Variants in CSMD1 observed in about 807,000 individuals in gnomAD.
CSMD1 encodes the protein CUB and Sushi multiple domains 1, also known as CUB and sushi domain-containing protein 1.
A neutral mutation model predicts 417.5 loss-of-function variants in CSMD1; 213 were observed. The ratio of observed to expected loss-of-function variants is 0.51; its 90% CI spans 0.46 to 0.57. The LOEUF is 0.57. Among genes scored for constraint, CSMD1 ranks in the 20% least tolerant of loss-of-function variants. CSMD1 has a pLI of 0.00. For synonymous variants in CSMD1, 2,862 were observed against 1,736.8 expected (o/e 1.65, Z -16.11); for missense variants, 6,923 against 4,529.7 (o/e 1.53, Z -15.17).
chr8:4,247,870 A>G (rs9792372), intron 3 of CSMD1, among the ~76,000 whole-genome samples: 14,753 of 152,140 alleles, frequency 0.097, 1,023 homozygotes, highest in East Asian at 0.36. Flanking sequence ...TAGAAATACA[A>G]TGTACAAATT....
At chr8:4,028,516 A>T (rs1017499611) in intron 4 of CSMD1, among the ~76,000 whole-genome samples, 6 of 152,202 alleles carry the variant, frequency 3.9e-5, no homozygotes, top group Non-Finnish European at 5.9e-5. Flanking sequence ...AGGAAAAAAA[A>T]ATAGGCAAAT....
rs1026562456 is a variant in CSMD1, at chr8:3,929,885, C to A, written c.818+68018G>T. The stretch of plus-strand genomic sequence containing the variant: ...CCATATTGGTCCCGCTCATCTCCAA[C>A]CCCTGACCTCAGGTGATCTACCTGC... On this transcript the variant is annotated intron_variant, in intron 5 of 69. Transcript: ENST00000635120. Among the ~76,000 whole-genome samples the A allele has an allele frequency of 1.3e-5, 2 of 150,146 alleles. 1 individual carries two copies. The highest frequency in any genetic ancestry group is 3.0e-5 in the Non-Finnish European group (2 of 67,472).
chr8:4,241,086 C>T (rs1440579091), intron 3 of CSMD1, among the ~76,000 whole-genome samples: 1 of 152,136 alleles, frequency 6.6e-6, no homozygotes, highest in East Asian at 1.9e-4. Context: ...AATTACTTAT[C>T]CTCTACATAG....
intron 6 of CSMD1, among the ~76,000 whole-genome samples, chr8:3,720,331 T>A (rs151250373): frequency 3.3e-5 from 5 of 152,312 alleles, no homozygotes; most frequent in African/African-American, 1.2e-4. Flanking sequence ...GAGAAGCTAC[T>A]GGAAAGTGAC....
rs1017167035 is a variant in CSMD1 at position 4,960,459 on chromosome 8, T to A, written c.85+33873A>T. On this transcript the variant is annotated intron_variant, in intron 1 of 69. Transcript: ENST00000635120. The stretch of plus-strand genomic sequence containing the variant: ...ACTTTCACCTGGCATGTGCTGGGGA[T>A]AAACAAAGTACCAAACTAAGCTGAA... Among the ~76,000 whole-genome samples, 43 of 152,178 alleles carry A rather than the reference T, an allele frequency of 2.8e-4. 1 individual carries two copies.
chr8:3,921,679 C>T (rs530028537), intron 5 of CSMD1, among the ~76,000 whole-genome samples: 2 of 152,134 alleles, frequency 1.3e-5, no homozygotes, highest in East Asian at 3.9e-4. Context: ...GCTTAATTTT[C>T]ACATATTTGT....
At chr8:3,629,419 G>C (rs9644348) in intron 7 of CSMD1, among the ~76,000 whole-genome samples, 88,280 of 151,894 alleles carry the variant, frequency 0.58, 26,214 homozygotes, top group Middle Eastern at 0.76. Context: ...ATATATAAGG[G>C]CTTTCTCCCT....
intron 3 of CSMD1, among the ~76,000 whole-genome samples, chr8:4,347,465 A>G (rs17069985): frequency 0.12 from 18,762 of 152,214 alleles, 1,638 homozygotes; most frequent in African/African-American, 0.24. Flanking sequence ...TACCACATCT[A>G]TGAAGAAGAA....
chr8:4,668,919 A>G (rs1403444213), intron 1 of CSMD1, among the ~76,000 whole-genome samples: 2 of 151,968 alleles, frequency 1.3e-5, no homozygotes, highest in Non-Finnish European at 2.9e-5. Flanking sequence ...GCTTTATTTT[A>G]TTCTCTTTTT....
At chr8:4,838,075 G>C (rs1178749283) in intron 1 of CSMD1, among the ~76,000 whole-genome samples, 3 of 152,120 alleles carry the variant, frequency 2.0e-5, no homozygotes, top group Non-Finnish European at 4.4e-5. Context: ...GGACATAGTG[G>C]ATTTGCCGGT....
intron 7 of CSMD1, among the ~76,000 whole-genome samples, chr8:3,625,071 GTTTT>G (rs11371258): frequency 6.7e-6 from 1 of 150,358 alleles, no homozygotes; most frequent in African/African-American, 2.4e-5. Context: ...ATGCATAACA[GTTTT>G]TTTTTTATTT....
intron 3 of CSMD1, among the ~76,000 whole-genome samples, chr8:4,278,173 C>T (rs1796589482): frequency 6.6e-6 from 1 of 152,178 alleles, no homozygotes; most frequent in Admixed American, 6.5e-5. Flanking sequence ...TTTCAGACTA[C>T]ATTCACAATT....
At chr8:3,822,589 CT>C (rs1801800527) in intron 5 of CSMD1, among the ~76,000 whole-genome samples, 1 of 152,160 alleles carries the variant, frequency 6.6e-6, no homozygotes, top group Non-Finnish European at 1.5e-5. Flanking sequence ...TTATTGGTAA[CT>C]TTTTTCTCTG....
At chr8:4,134,494 G>A (rs536431349) in intron 3 of CSMD1, among the ~76,000 whole-genome samples, 37 of 152,200 alleles carry the variant, frequency 2.4e-4, no homozygotes, top group East Asian at 1.7e-3. Flanking sequence ...TTTGATCTCC[G>A]ACTTCCAGCC....
At chr8:4,573,895 A>C (rs1038295205) in intron 2 of CSMD1, among the ~76,000 whole-genome samples, 1 of 152,126 alleles carries the variant, frequency 6.6e-6, no homozygotes, top group Non-Finnish European at 1.5e-5. Flanking sequence ...GCCCAGTTCA[A>C]ACTTCCTGGC....
chr8:3,058,162 C>T (rs1471993036), intron 49 of CSMD1, among the ~76,000 whole-genome samples: 1 of 152,132 alleles, frequency 6.6e-6, no homozygotes, highest in Non-Finnish European at 1.5e-5. Flanking sequence ...CTATTGTGTG[C>T]AACTGTTTGT....
intron 7 of CSMD1, among the ~76,000 whole-genome samples, chr8:3,622,010 TG>T (rs1796274431): frequency 2.0e-5 from 3 of 151,678 alleles, no homozygotes; most frequent in African/African-American, 7.3e-5. Context: ...TGTGTGTGTG[TG>T]TGTGTGTTTG....
At chr8:4,115,085 C>T (rs559535506) in intron 3 of CSMD1, among the ~76,000 whole-genome samples, 4 of 152,230 alleles carry the variant, frequency 2.6e-5, no homozygotes, top group South Asian at 2.1e-4. Flanking sequence ...TGCTGTCAAA[C>T]GGAATTGAAA....
At chr8:3,625,489 C>A (rs1461653677) in intron 7 of CSMD1, among the ~76,000 whole-genome samples, 1 of 152,102 alleles carries the variant, frequency 6.6e-6, no homozygotes, top group Non-Finnish European at 1.5e-5. Context: ...GGGTTGATCA[C>A]CTATTATCAT....
Sources: gnomAD v4.1 joint callset for allele counts (sites outside exome capture counted in the v4.1 genomes callset) on GRCh38, gnomAD v4.1.1 for gene constraint, MANE v1.5 for transcripts, NCBI Gene and HGNC (gene_info 2026-07-23, HGNC 2026-07-21) for gene names.